The following ABCA13 variants were observed in gnomAD, a reference collection of about 807,000 sequenced individuals.
ABCA13 encodes the protein ATP-binding cassette sub-family A member 13.
Under a neutral mutation model 478.7 loss-of-function variants are expected in ABCA13, and 476 were observed. The ratio of observed to expected loss-of-function variants is 0.99; its 90% CI spans 0.92 to 1.07. ABCA13 has a LOEUF of 1.07. Ranked by LOEUF, ABCA13 falls within the 50% of genes least tolerant of loss-of-function variation. ABCA13 has a pLI of 0.00. For synonymous variants in ABCA13, 2,252 were observed against 2,158.9 expected, an observed-to-expected ratio of 1.04 and a Z score of -1.20; for missense variants, 6,060 against 5,910.6, an observed-to-expected ratio of 1.03 and a Z score of -0.83.
chr7:48,335,662 T>C, intron 28 of ABCA13, 127 bp downstream of exon 28: 1 of 568,368 alleles, frequency 1.8e-6, no homozygotes, highest in Non-Finnish European at 2.9e-6. Context: ...TTGACTCATA[T>C]AATTGACATA....
In ABCA13 at chr7:48,229,235, A is replaced by T. The variant is rs940321587; in HGVS notation, c.633-590A>T. Reference sequence around the variant, plus strand: ...AGCATATTTATTTATAAAATAAAATATTAATATTTTAAAAATAAAATTAAT... The same window carrying T: ...AGCATATTTATTTATAAAATAAAATTTTAATATTTTAAAAATAAAATTAAT... On this transcript the variant is annotated intron_variant, in intron 6 of 61. Coordinates refer to ENST00000435803, the MANE Select transcript of ABCA13 (RefSeq NM_152701.5). Among the ~76,000 whole-genome samples the T allele has an allele frequency of 2.1e-4, 32 of 151,968 alleles. 2 individuals are homozygous for T. The highest frequency in any genetic ancestry group is 7.2e-4 in the African/African-American group (30 of 41,422).
intron 15 of ABCA13, 123 bp from the exon 16 acceptor site, chr7:48,268,850 CTTTTTTT>C (rs57201740): frequency 7.3e-5 from 18 of 245,568 alleles, no homozygotes; most frequent in South Asian, 2.2e-4. Context: ...TCCTACTCAT[CTTTTTTT>C]TTTTTTTTTT....
At chr7:48,364,392 A>G (rs990593307) in intron 31 of ABCA13, among the ~76,000 whole-genome samples, 30 of 152,332 alleles carry the variant, frequency 2.0e-4, no homozygotes, top group Admixed American at 1.6e-3. Context: ...GATAGCCATC[A>G]CTTCAACAAT....
intron 59 of ABCA13, among the ~76,000 whole-genome samples, chr7:48,623,932 G>T (rs1793403047): frequency 6.6e-6 from 1 of 152,118 alleles, no homozygotes. Context: ...CTCCATTGAG[G>T]GTAGGTCGTT....
intron 1 of ABCA13, among the ~76,000 whole-genome samples, chr7:48,178,261 G>A (rs971566369): frequency 3.9e-5 from 6 of 152,114 alleles, no homozygotes; most frequent in Non-Finnish European, 7.4e-5. Flanking sequence ...GGGCAGTGAG[G>A]GAAATGCTTT....
chr7:48,633,337 A>G (rs747584034), intron 59 of ABCA13, among the ~76,000 whole-genome samples: 12 of 152,094 alleles, frequency 7.9e-5, no homozygotes, highest in Non-Finnish European at 1.8e-4. Flanking sequence ...GGACTTCAAC[A>G]CCCCACTGAC....
In ABCA13 at chr7:48,275,575, G is replaced by T; in HGVS notation, c.5909G>T (p.Gly1970Val). ...GTCAACTTTACAAAAGTTACATCAG[G>T]TGAAAATATTCTTGACAAACTAAGT... ...KNVNFTKVTSGENILDKLSSL... is the reference protein window; with the variant it reads ...KNVNFTKVTSVENILDKLSSL... Residue 1970 changes from glycine (G) to valine (V), a missense_variant, in exon 17 of 62, where the codon GGT (glycine) becomes GTT (valine). Coordinates refer to ENST00000435803, the MANE Select transcript of ABCA13 (RefSeq NM_152701.5). 1 of 1,613,382 alleles carries T rather than the reference G, an allele frequency of 6.2e-7. No homozygotes were observed. The highest frequency in any genetic ancestry group is 2.2e-5 in the East Asian group (1 of 44,856).
At position 48,314,178 on chromosome 7, in the gene ABCA13, A is replaced by C. The variant is rs1022652788; in HGVS notation, c.9682-54A>C. On this transcript the variant is annotated intron_variant, in intron 25 of 61. Coordinates refer to ENST00000435803, the MANE Select transcript of ABCA13 (RefSeq NM_152701.5). ...GAACTAGACTTTCAGAAGTGTGTGA[A>C]GGAATTGTTTTAAGTCACTATGTAA... 15 of 1,559,474 alleles carry C rather than the reference A, an allele frequency of 9.6e-6. No homozygotes were observed. In the Admixed American group the frequency reaches 2.9e-4, roughly 30 times the overall value.
rs1321506660 is a variant in ABCA13 at position 48,350,800 on chromosome 7, G to T, written c.10362G>T (p.Gln3454His). The T allele has an allele frequency of 1.2e-6, 2 of 1,613,682 alleles. No individual in the cohort carries two copies. Among genetic ancestry groups the T allele is most frequent in the African/African-American group, 1.3e-5 (1 of 75,022 alleles). ...ILETKAHELL[Q>H]QNSFLASIIF... ...AGACTAAAGCACATGAACTCTTGCA[G>T]CAGAACAGCTTCTTGGCCAGTAAGT... Residue 3454 changes from glutamine to histidine, a missense_variant, in exon 30 of 62, where the codon CAG becomes CAT. Gln to His is a conservative substitution (Grantham distance 24). Transcript: ENST00000435803.
At position 48,295,887 on chromosome 7, in the gene ABCA13, C is replaced by G. The variant is rs142126619; in HGVS notation, c.9119+24C>G. On this transcript the variant is annotated intron_variant, in intron 21 of 61. Transcript: ENST00000435803. ...ATGTATGCTCTGATATTCTTTCATG[C>G]CCTCCCCAGTACTTCCATTCATAGA... 5 of 1,578,530 alleles carry G rather than the reference C, an allele frequency of 3.2e-6. No homozygotes were observed. The East Asian group carries it at 1.1e-4, about 36-fold the overall frequency.
chr7:48,417,166 A>G (rs988329548), intron 41 of ABCA13, among the ~76,000 whole-genome samples: 7 of 152,218 alleles, frequency 4.6e-5, no homozygotes, highest in Admixed American at 2.0e-4. Context: ...CAGCTTTTCC[A>G]TAGACTGATT....
At chr7:48,266,980 A>G (rs1310472395) in intron 15 of ABCA13, among the ~76,000 whole-genome samples, 2 of 151,700 alleles carry the variant, frequency 1.3e-5, no homozygotes, top group African/African-American at 4.8e-5. Context: ...AATATTTGGG[A>G]TTTTCAAGAA....
chr7:48,440,205 C>T (rs980030810), intron 42 of ABCA13, among the ~76,000 whole-genome samples: 11 of 152,086 alleles, frequency 7.2e-5, no homozygotes, highest in East Asian at 1.9e-4. Context: ...TACATACCTG[C>T]GTAACCACCA....
chr7:48,627,993 T>TG (rs1793821115), intron 59 of ABCA13, among the ~76,000 whole-genome samples: 1 of 152,162 alleles, frequency 6.6e-6, no homozygotes, highest in African/African-American at 2.4e-5. Context: ...CTTAGTCCTA[T>TG]GTCCCAGTGC....
intron 7 of ABCA13, 27 bp from the exon 8 acceptor site, chr7:48,233,991 G>T: frequency 6.2e-7 from 1 of 1,612,010 alleles, no homozygotes; most frequent in Non-Finnish European, 8.5e-7. Flanking sequence ...AACAACTGCT[G>T]GTGTAAATCT....
intron 20 of ABCA13, among the ~76,000 whole-genome samples, chr7:48,291,817 G>A (rs1401513197): frequency 6.6e-6 from 1 of 152,102 alleles, no homozygotes; most frequent in Non-Finnish European, 1.5e-5. Flanking sequence ...CTTCACATGC[G>A]GAATCTCACT....
chr7:48,560,769 G>A (rs1352560767), intron 55 of ABCA13, among the ~76,000 whole-genome samples: 2 of 152,248 alleles, frequency 1.3e-5, no homozygotes, highest in South Asian at 2.1e-4. Context: ...GCTGTATTTA[G>A]CATGTTGTGC....
intron 31 of ABCA13, among the ~76,000 whole-genome samples, chr7:48,362,676 G>T (rs1215773278): frequency 6.6e-6 from 1 of 151,064 alleles, no homozygotes; most frequent in East Asian, 1.9e-4. Context: ...TATTATTGTA[G>T]TGGTTACCTT....
In ABCA13 at chr7:48,352,206, C is replaced by G. The variant is rs750468995; in HGVS notation, c.10407C>G (p.Phe3469Leu). The change falls in exon 31 of 62, where the codon TTC becomes TTG. Residue 3469 changes from phenylalanine to leucine, a missense_variant. By Grantham distance (22) the Phe-to-Leu change is conservative. Coordinates refer to ENST00000435803, the MANE Select transcript of ABCA13 (RefSeq NM_152701.5). ...GTATCATTTTCAGCAATTCCTTATT[C>G]GACAAGAACTTCAGATCAGAGTCTG... ...LASIIFSNSLFDKNFRSESVK... is the reference protein window; with the variant it reads ...LASIIFSNSLLDKNFRSESVK... 1 of 1,605,532 alleles carries G rather than the reference C, an allele frequency of 6.2e-7. No homozygotes were observed. Among genetic ancestry groups the G allele is most frequent in the Non-Finnish European group, 8.5e-7 (1 of 1,174,596 alleles).
Sources: gnomAD v4.1 joint callset for allele counts (sites outside exome capture counted in the v4.1 genomes callset) on GRCh38, gnomAD v4.1.1 for gene constraint, MANE v1.5 for transcripts, NCBI Gene and HGNC (gene_info 2026-07-23, HGNC 2026-07-21) for gene names.